DOCK1: variants seen among roughly 807,000 people sequenced by gnomAD.
The protein encoded by DOCK1 is dedicator of cytokinesis protein 1.
In DOCK1, 138 loss-of-function variants were observed where a neutral mutation model predicts 262.7. The ratio of observed to expected loss-of-function variants is 0.53; its 90% CI spans 0.46 to 0.61. The LOEUF is 0.61. Ranked by LOEUF, DOCK1 falls within the 20% of genes least tolerant of loss-of-function variation. DOCK1 has a pLI of 0.00. For missense variants in DOCK1, 1,908 were observed against 2,370.7 expected (o/e 0.80, Z 4.05); for synonymous variants, 866 against 867.4 (o/e 1.00, Z 0.03).
chr10:126,946,696 C>T lies in DOCK1; in HGVS notation c.47-24006C>T, dbSNP rs1031527516. On this transcript the variant is annotated intron_variant, in intron 1 of 51. Coordinates refer to ENST00000623213, the MANE Select transcript of DOCK1 (RefSeq NM_001290223.2). Reference sequence around the variant, plus strand: ...TTGTCCTTTTGTGCCTGGCTAATTTCGCAGAGCACAGTATCTTCCGGGTTC... The same window carrying T: ...TTGTCCTTTTGTGCCTGGCTAATTTTGCAGAGCACAGTATCTTCCGGGTTC... Among the ~76,000 whole-genome samples, 114 of 152,306 alleles carry T rather than the reference C, an allele frequency of 7.5e-4. 1 individual carries two copies. The South Asian group carries it at 0.02, about 27-fold the overall frequency.
chr10:127,083,054 C>G (rs1416503136), intron 23 of DOCK1, among the ~76,000 whole-genome samples: 1 of 152,184 alleles, frequency 6.6e-6, no homozygotes, highest in Non-Finnish European at 1.5e-5. Context: ...GGCCTGTCCT[C>G]TGTGCCATTG....
intron 21 of DOCK1, among the ~76,000 whole-genome samples, chr10:127,045,200 T>TAAAAAAAA (rs71032534): frequency 3.7e-5 from 3 of 82,090 alleles, no homozygotes; most frequent in Admixed American, 1.8e-4. Flanking sequence ...TCTGTCTCAA[T>TAAAAAAAA]AAAAAAAAAA....
intron 29 of DOCK1, among the ~76,000 whole-genome samples, chr10:127,303,552 C>T (rs991812949): frequency 2.6e-5 from 4 of 151,976 alleles, no homozygotes; most frequent in Middle Eastern, 3.4e-3. Context: ...GTTGGCCAGG[C>T]ATGGGTGGCT....
At chr10:127,257,591 G>A (rs1762952421) in intron 29 of DOCK1, 162 bp downstream of exon 29, 1 of 541,666 alleles carries the variant, frequency 1.8e-6, no homozygotes, top group East Asian at 3.0e-5. Flanking sequence ...CAGGGACTCT[G>A]AGTTTGTGGT....
At chr10:127,370,061 C>T (rs569954786) in intron 33 of DOCK1, among the ~76,000 whole-genome samples, 1 of 152,246 alleles carries the variant, frequency 6.6e-6, no homozygotes, top group East Asian at 1.9e-4. Flanking sequence ...CTCCCACCCA[C>T]CTCCCCCTGC....
At chr10:127,343,914 TCAAGATCTAAAA>T (rs2063527836) in intron 31 of DOCK1, among the ~76,000 whole-genome samples, 168 bp downstream of exon 31, 1 of 152,196 alleles carries the variant, frequency 6.6e-6, no homozygotes, top group African/African-American at 2.4e-5. Flanking sequence ...AACCCATGAA[TCAAGATCTAAAA>T]TTGCAGGACT....
In DOCK1 at chr10:126,967,371, C is replaced by G. The variant is rs1300160531; in HGVS notation, c.47-3331C>G. Among the ~76,000 whole-genome samples, 3 of 152,156 alleles carry G rather than the reference C, an allele frequency of 2.0e-5. No individual in the cohort carries two copies. The East Asian group carries it at 5.8e-4, about 29-fold the overall frequency. ...TTCCCTACATGGTTCTTGTTTTTCT[C>G]ATGTCACTCAAGAATTGGGAACCAC... is the stretch of plus-strand genomic sequence containing the variant. On this transcript the variant is annotated intron_variant, in intron 1 of 51. Transcript: ENST00000623213.
intron 38 of DOCK1, among the ~76,000 whole-genome samples, chr10:127,397,869 G>A (rs1232330351): frequency 1.3e-5 from 2 of 152,056 alleles, no homozygotes; most frequent in Non-Finnish European, 2.9e-5. Context: ...GGTAGTGGGT[G>A]CTGCATGTCC....
chr10:127,300,397 A>G (rs576196289), intron 29 of DOCK1, among the ~76,000 whole-genome samples: 5 of 152,196 alleles, frequency 3.3e-5, no homozygotes, highest in South Asian at 4.1e-4. Flanking sequence ...GGCTTAGACA[A>G]TGATGGCCAA....
chr10:127,264,594 C>T (rs946515781), intron 29 of DOCK1, among the ~76,000 whole-genome samples: 2 of 152,102 alleles, frequency 1.3e-5, no homozygotes, highest in Non-Finnish European at 2.9e-5. Flanking sequence ...AAGACGGTTG[C>T]CGGGTTCTCA....
chr10:127,247,869 G>T (rs890458204), intron 27 of DOCK1, 139 bp from the exon 28 acceptor site: 3 of 729,642 alleles, frequency 4.1e-6, no homozygotes, highest in South Asian at 3.6e-5. Flanking sequence ...TGAGAGAGGG[G>T]CAGCAGAACC....
chr10:127,441,649 G>A (rs1021241227), intron 49 of DOCK1, among the ~76,000 whole-genome samples: 3 of 152,074 alleles, frequency 2.0e-5, no homozygotes, highest in Admixed American at 6.6e-5. Context: ...GAGGTTCACA[G>A]GAACAGAAGC....
Position 127,350,808 on chromosome 10 carries a change from C to T in DOCK1, c.3225-3861C>T, listed in dbSNP as rs1294174555. ...ATAAATGTTCACTAAATGAATCGATCTAAATGACCATTGCAACCATGAGAG... is the reference window on the plus strand; with the variant it reads ...ATAAATGTTCACTAAATGAATCGATTTAAATGACCATTGCAACCATGAGAG... On this transcript the variant is annotated intron_variant, in intron 31 of 51. Transcript: ENST00000623213. Among the ~76,000 whole-genome samples the T allele has an allele frequency of 2.0e-5, 3 of 152,132 alleles. No homozygotes were observed. The South Asian group carries it at 6.2e-4, about 32-fold the overall frequency.
chr10:127,141,888 C>T (rs956073674), intron 27 of DOCK1, among the ~76,000 whole-genome samples: 6 of 152,258 alleles, frequency 3.9e-5, no homozygotes, highest in Non-Finnish European at 8.8e-5. Context: ...CAGAACTTAT[C>T]GAAGATCCTG....
chr10:127,099,725 C>T (rs568743674), intron 23 of DOCK1, among the ~76,000 whole-genome samples: 1 of 152,314 alleles, frequency 6.6e-6, no homozygotes, highest in Admixed American at 6.5e-5. Flanking sequence ...ATGACCCAGA[C>T]ACCTCCCACT....
chr10:127,156,791 CT>C (rs1428305012), intron 27 of DOCK1, among the ~76,000 whole-genome samples: 1 of 152,078 alleles, frequency 6.6e-6, no homozygotes, highest in Non-Finnish European at 1.5e-5. Flanking sequence ...TGGTCTTGAA[CT>C]CCCAACCTCA....
intron 7 of DOCK1, among the ~76,000 whole-genome samples, chr10:126,997,103 G>A (rs1012224588): frequency 6.6e-6 from 1 of 152,130 alleles, no homozygotes; most frequent in Non-Finnish European, 1.5e-5. Context: ...TTCATCGTAG[G>A]AGACAGGATC....
At chr10:127,295,279 C>G (rs1201702087) in intron 29 of DOCK1, among the ~76,000 whole-genome samples, 1 of 152,140 alleles carries the variant, frequency 6.6e-6, no homozygotes, top group Non-Finnish European at 1.5e-5. Context: ...TGACACATGG[C>G]ACGAGCAGGA....
At chr10:126,981,998 T>C (rs751168047) in intron 4 of DOCK1, 25 bp downstream of exon 4, 2 of 1,611,030 alleles carry the variant, frequency 1.2e-6, no homozygotes, top group African/African-American at 2.7e-5. Context: ...GATGTTTAAA[T>C]GAAGAATTGC....
Sources: allele counts gnomAD v4.1 joint callset (sites outside exome capture counted in the v4.1 genomes callset), GRCh38; gene constraint gnomAD v4.1.1; transcripts MANE v1.5; gene names NCBI Gene and HGNC (gene_info 2026-07-23, HGNC 2026-07-21).